TNPO1: variants seen among roughly 807,000 people sequenced by gnomAD.
TNPO1 encodes transportin-1.
TNPO1 carries 8 observed loss-of-function variants against 119.5 expected under a neutral mutation model. The ratio of observed to expected loss-of-function variants is 0.07; its 90% confidence interval spans 0.04 to 0.12. The LOEUF is 0.12. Among genes scored for constraint, TNPO1 ranks in the 10% least tolerant of loss-of-function variants. The pLI, the probability that TNPO1 is intolerant of heterozygous loss-of-function variation, is 1.00. For missense variants in TNPO1, 576 were observed against 1,089.8 expected (o/e 0.53, Z 6.64); for synonymous variants, 362 against 363.0 (o/e 1.00, Z 0.03).
chr5:72,819,732 G>A (rs767009395), intron 1 of TNPO1, among the ~76,000 whole-genome samples: 3 of 152,220 alleles, frequency 2.0e-5, no homozygotes, highest in African/African-American at 7.2e-5. Context: ...TCAATGTAGT[G>A]TAGAGAACAG....
At chr5:72,902,088 A>G (rs1312389938) in intron 22 of TNPO1, among the ~76,000 whole-genome samples, 1 of 151,834 alleles carries the variant, frequency 6.6e-6, no homozygotes, top group African/African-American at 2.4e-5. Flanking sequence ...AAAAAAAAAA[A>G]TGTAGTTGAG....
chr5:72,824,906 C>G (rs1744137894), intron 1 of TNPO1, among the ~76,000 whole-genome samples: 1 of 152,148 alleles, frequency 6.6e-6, no homozygotes, highest in African/African-American at 2.4e-5. Context: ...AACTCCTAAA[C>G]TTTCTCCCCA....
chr5:72,885,407 C>T (rs1269651549), intron 11 of TNPO1, among the ~76,000 whole-genome samples: 2 of 152,204 alleles, frequency 1.3e-5, no homozygotes, highest in Non-Finnish European at 2.9e-5. Flanking sequence ...AAATAATATA[C>T]ATACATGGAT....
At chr5:72,905,219 A>G in intron 23 of TNPO1, 84 bp from the exon 24 acceptor site, 8 of 1,002,864 alleles carry the variant, frequency 8.0e-6, no homozygotes, top group Non-Finnish European at 1.2e-5. Context: ...TTATAAAAAA[A>G]TCAGCTGTGT....
rs953531824 is a variant in TNPO1 at position 72,893,410 on chromosome 5, C to G, written c.1930C>G (p.Pro644Ala). 1.2e-6 allele frequency: 2 copies of G among 1,614,008 alleles called. No homozygotes were observed. Among genetic ancestry groups the G allele is most frequent in the Non-Finnish European group, 1.7e-6 (2 of 1,180,002 alleles). The change falls in exon 17 of 25, where the codon CCA (proline) becomes GCA (alanine). Residue 644 changes from proline to alanine, a missense_variant. By Grantham distance (27) the Pro-to-Ala change is conservative. Transcript: ENST00000337273. The part of the protein sequence containing the change: ...NNAQPDQYEA[P>A]DKDFMIVALD... ...TGCTCAACCAGATCAATATGAAGCTCCAGATAAAGATTTTATGATAGTGGC... is the reference window on the plus strand; with the variant it reads ...TGCTCAACCAGATCAATATGAAGCTGCAGATAAAGATTTTATGATAGTGGC...
Position 72,816,746 on chromosome 5 carries a change from G to T in TNPO1, c.9G>T (p.Trp3Cys), listed in dbSNP as rs781478653. The change falls in exon 1 of 25, where the codon TGG becomes TGT. Residue 3 changes from tryptophan to cysteine, a missense_variant. By Grantham distance (215) the Trp-to-Cys change is radical (BLOSUM62 -2). Around this residue, in one of 6 missense-constraint regions of TNPO1, gnomAD observed 57 missense variants for 59.5 expected, o/e 0.96. Transcript: ENST00000337273. The part of the protein sequence containing the change: MV[W>C]DRQTKMEYEW... ...CGCCCGAGGCGTCTGGGATGGTGTGGGACCGGGTAGGTGGCGTGAGGGTGC... is the reference window on the plus strand; with the variant it reads ...CGCCCGAGGCGTCTGGGATGGTGTGTGACCGGGTAGGTGGCGTGAGGGTGC... 68 of 1,585,650 alleles carry T rather than the reference G, an allele frequency of 4.3e-5. 1 individual carries two copies. The South Asian group carries it at 6.7e-4, about 16-fold the overall frequency.
At chr5:72,821,488 A>G (rs1196960163) in intron 1 of TNPO1, among the ~76,000 whole-genome samples, 1 of 152,248 alleles carries the variant, frequency 6.6e-6, no homozygotes, top group Non-Finnish European at 1.5e-5. Flanking sequence ...ATTGATTATT[A>G]TGCTACCATT....
intron 3 of TNPO1, among the ~76,000 whole-genome samples, chr5:72,851,868 C>T (rs1332972238): frequency 6.6e-6 from 1 of 152,120 alleles, no homozygotes; most frequent in African/African-American, 2.4e-5. Context: ...GTTGCAAAGT[C>T]TACTTTAATG....
rs1750643917 is a variant in TNPO1, at chr5:72,912,662, GGTC to G, written c.*3993_*3995del. ...GTTTACCTGAAAATGAGCTACATAT[GGTC>G]GTCATTTTCTTCAAACTCTCAAAAT... On this transcript the variant is annotated 3_prime_UTR_variant, in exon 25 of 25. Transcript: ENST00000337273. 1 of 152,192 alleles carries G rather than the reference GGTC, an allele frequency of 6.6e-6. No homozygotes were observed. The highest frequency in any genetic ancestry group is 2.4e-5 in the African/African-American group (1 of 41,334). The allele number at this position is 152,192 out of a possible 1,614,324, so 9.4% of individuals were successfully genotyped here.
intron 1 of TNPO1, among the ~76,000 whole-genome samples, chr5:72,843,604 AAAAC>A (rs1295502994): frequency 6.6e-6 from 1 of 151,966 alleles, no homozygotes; most frequent in Non-Finnish European, 1.5e-5. Flanking sequence ...AAAAAAAAAA[AAAAC>A]AAACCCAAAA....
intron 6 of TNPO1, among the ~76,000 whole-genome samples, chr5:72,870,255 G>C (rs1295946294): frequency 7.3e-6 from 1 of 137,392 alleles, no homozygotes; most frequent in East Asian, 2.2e-4. Flanking sequence ...CCACCTCCCA[G>C]GTTCAAGCGA....
rs1233634603 is a variant in TNPO1, at chr5:72,910,986, G to A, written c.*2313G>A. 6.6e-6 allele frequency: 1 copy of A among 152,064 alleles called. No homozygotes were observed. The highest frequency in any genetic ancestry group is 1.5e-5 in the Non-Finnish European group (1 of 67,950). The allele number at this position is 152,064 out of a possible 1,614,324, so 9.4% of individuals were successfully genotyped here. A position where few individuals can be genotyped will look rare whatever the true frequency, so the allele number is the denominator to read the frequency against. On this transcript the variant is annotated 3_prime_UTR_variant, in exon 25 of 25. Coordinates refer to ENST00000337273, the MANE Select transcript of TNPO1 (RefSeq NM_002270.4). ...TTCTAGTACCATTGCTTCACTGGGA[G>A]CTCAAAATTTGCCTCCCTGTTAGTC...
chr5:72,866,294 G>C (rs173145), intron 6 of TNPO1, among the ~76,000 whole-genome samples: 178 of 152,252 alleles, frequency 1.2e-3, no homozygotes, highest in African/African-American at 4.1e-3. Context: ...GAACATGCAG[G>C]TATTTGGTTT....
chr5:72,840,741 A>T (rs1458244353), intron 1 of TNPO1, among the ~76,000 whole-genome samples: 1 of 152,288 alleles, frequency 6.6e-6, no homozygotes, highest in East Asian at 1.9e-4. Flanking sequence ...TTTAGTAAGC[A>T]TGTCTAGTCA....
At chr5:72,865,471 AT>A (rs1444999947) in intron 5 of TNPO1, 124 bp from the exon 6 acceptor site, 9 of 1,078,696 alleles carry the variant, frequency 8.3e-6, no homozygotes, top group Non-Finnish European at 1.2e-5. Flanking sequence ...AAATTTATGG[AT>A]TTTAGAAGGC....
At chr5:72,878,920 G>C (rs1434386417) in intron 9 of TNPO1, 1 of 511,666 alleles carries the variant, frequency 2.0e-6, no homozygotes, top group Non-Finnish European at 4.0e-6. Context: ...AATGGTCTCA[G>C]CAGGAAGATT....
At chr5:72,838,311 G>T (rs186582832) in intron 1 of TNPO1, among the ~76,000 whole-genome samples, 2 of 152,188 alleles carry the variant, frequency 1.3e-5, no homozygotes, top group African/African-American at 4.8e-5. Flanking sequence ...GCAATCGAAC[G>T]GCAATAAAAC....
intron 1 of TNPO1, among the ~76,000 whole-genome samples, chr5:72,835,175 CAT>C (rs1744646975): frequency 6.6e-6 from 1 of 152,194 alleles, no homozygotes; most frequent in African/African-American, 2.4e-5. Context: ...TTAACTGACA[CAT>C]GACTAAGTTT....
At chr5:72,870,264 G>A (rs759159758) in intron 6 of TNPO1, among the ~76,000 whole-genome samples, 12 of 145,490 alleles carry the variant, frequency 8.2e-5, no homozygotes, top group Middle Eastern at 3.7e-3. Flanking sequence ...AGGTTCAAGC[G>A]ATTCTCCTGC....
Sources: allele counts gnomAD v4.1 joint callset (sites outside exome capture counted in the v4.1 genomes callset), GRCh38; gene constraint gnomAD v4.1.1; regional missense constraint gnomAD v4.1.1; transcripts MANE v1.5; gene names NCBI Gene and HGNC (gene_info 2026-07-23, HGNC 2026-07-21).